Variants in RPUSD1 observed in about 807,000 individuals in gnomAD.
RPUSD1 encodes the protein RNA pseudouridine synthase domain containing 1.
Under a neutral mutation model 22.4 loss-of-function variants are expected in RPUSD1, and 28 were observed. The observed-to-expected ratio is 1.25, with a 90% confidence interval of 0.93 to 1.72. The LOEUF (loss-of-function observed/expected upper bound fraction) is 1.72, where lower values mean the gene tolerates loss of function less well. Ranked by LOEUF, RPUSD1 falls within the 40% of genes most tolerant of loss-of-function variation. The probability of loss-of-function intolerance (pLI) is 0.00; values close to 1 mark genes in which losing one functional copy is unlikely to be tolerated. For synonymous variants in RPUSD1, 298 were observed against 201.0 expected, an observed-to-expected ratio of 1.48 and a Z score of -4.08; for missense variants, 596 against 442.2, an observed-to-expected ratio of 1.35 and a Z score of -3.12.
At position 785,671 on chromosome 16, in the gene RPUSD1, A is replaced by G. The variant is rs563553072; in HGVS notation, c.*279T>C. The G allele has an allele frequency of 6.3e-4, 239 of 376,860 alleles. 2 individuals carry two copies. In the East Asian group the frequency reaches 9.3e-3, roughly 15 times the overall value. The allele number at this position is 376,860 out of a possible 1,614,324, so 23.3% of individuals were successfully genotyped here. A position where few individuals can be genotyped will look rare whatever the true frequency, so the allele number is the denominator to read the frequency against. ...GCCGGAAGCTGTTCCAGGAGGAGGG[A>G]GGGGCCTCGGTTTCTCCCGGGGCAT... is the stretch of plus-strand genomic sequence containing the variant. On this transcript the variant is annotated 3_prime_UTR_variant, in exon 6 of 6. Coordinates refer to ENST00000007264, the MANE Select transcript of RPUSD1 (RefSeq NM_058192.3).
chr16:786,127 T>A lies in RPUSD1; in HGVS notation c.762A>T (p.Leu254Phe). The A allele has an allele frequency of 1.9e-6, 3 of 1,603,622 alleles. No individual in the cohort carries two copies. The highest frequency in any genetic ancestry group is 2.6e-6 in the Non-Finnish European group (3 of 1,173,010). ...CGGGGTCAGGGTCGGGGGTGGCCCG[T>A]AAGGCCTGCACGAGCTGGTCCAGCG... The part of the protein sequence containing the change: ...LQSLDQLVQA[L>F]RATPDPDPED... The change falls in exon 6 of 6, where the codon TTA (leucine) becomes TTT (phenylalanine). Residue 254 changes from leucine (L) to phenylalanine (F), a missense_variant. Coordinates refer to ENST00000007264, the MANE Select transcript of RPUSD1 (RefSeq NM_058192.3).
At position 785,246 on chromosome 16, in the gene RPUSD1, CATGGCCCCTGACCA is replaced by C. The variant is rs946724233; in HGVS notation, c.*690_*703del. ...TGGGCGTGCGTGGCAGGGCCTTGGC[CATGGCCCCTGACCA>C]ACCCCTGTGCACCAAACACCACACT... On this transcript the variant is annotated 3_prime_UTR_variant, in exon 6 of 6. Coordinates refer to ENST00000007264, the MANE Select transcript of RPUSD1 (RefSeq NM_058192.3). The C allele has an allele frequency of 6.6e-6, 1 of 152,384 alleles. No individual in the cohort carries two copies. The highest frequency in any genetic ancestry group is 1.5e-5 in the Non-Finnish European group (1 of 68,160). The allele number at this position is 152,384 out of a possible 1,614,324, so 9.4% of individuals were successfully genotyped here. A position where few individuals can be genotyped will look rare whatever the true frequency, so the allele number is the denominator to read the frequency against.
intron 5 of RPUSD1, chr16:786,595 G>A: frequency 1.4e-6 from 1 of 739,724 alleles, no homozygotes; most frequent in East Asian, 2.7e-5. Context: ...CCAGGGTGGT[G>A]CTCGGTCCTG....
intron 4 of RPUSD1, 25 bp from the exon 5 acceptor site, chr16:786,953 G>A (rs889131864): frequency 4.4e-6 from 7 of 1,607,700 alleles, no homozygotes; most frequent in African/African-American, 1.3e-5. Flanking sequence ...GCAGGTGTGA[G>A]GTTAGTGGGA....
chr16:786,189 G>A lies in RPUSD1; in HGVS notation c.700C>T (p.Leu234=). ...GTGTGGGGGCTCCAGCAGGCATCCA[G>A]GGAGGGCAGGAAGGGGTCAGGCGTG... ...VCTPDPFLPS[L]DACWSPHTLL... The change falls in exon 6 of 6, where the codon CTG becomes TTG. Residue 234 remains leucine, a synonymous_variant. Coordinates refer to ENST00000007264, the MANE Select transcript of RPUSD1 (RefSeq NM_058192.3). 6.2e-7 allele frequency: 1 copy of A among 1,612,662 alleles called. No individual in the cohort carries two copies. Among genetic ancestry groups the A allele is most frequent in the Non-Finnish European group, 8.5e-7 (1 of 1,179,878 alleles).
rs8052561 is a variant in RPUSD1 at position 788,148 on chromosome 16, C to T, written c.-8+108G>A. 6.7e-4 allele frequency: 298 copies of T among 445,494 alleles called. 1 individual carries two copies. Among genetic ancestry groups the T allele is most frequent in the African/African-American group, 5.8e-3 (280 of 47,968 alleles). The allele number at this position is 445,494 out of a possible 1,614,324, so 27.6% of individuals were successfully genotyped here. On this transcript the variant is annotated intron_variant, in intron 1 of 5. Transcript: ENST00000007264. ...CCGCAGCGCGGGTTAGGGCTGGGGC[C>T]TCCTCGCTCCCCGCAGTCCGCGCAG...
chr16:787,288 G>A (rs1055188957), intron 3 of RPUSD1, 66 bp downstream of exon 3: 10 of 1,549,166 alleles, frequency 6.5e-6, no homozygotes, highest in African/African-American at 2.7e-5. Context: ...CTCTGAGCCA[G>A]GGCTGCCCAA....
rs975398362 is a variant in RPUSD1, at chr16:785,603, C to T, written c.*347G>A. The T allele has an allele frequency of 3.9e-6, 1 of 253,288 alleles. No individual in the cohort carries two copies. The highest frequency in any genetic ancestry group is 5.5e-5 in the Admixed American group (1 of 18,302). 15.7% of individuals were successfully genotyped at this position (253,288 alleles called of 1,614,324 possible). Reference sequence around the variant, plus strand: ...CTGGCCCTGCCTCTTCCTGAGGTGACCTTGAGTCCGTAAAACTGACGCCCC... The same window carrying T: ...CTGGCCCTGCCTCTTCCTGAGGTGATCTTGAGTCCGTAAAACTGACGCCCC... On this transcript the variant is annotated 3_prime_UTR_variant, in exon 6 of 6. Transcript: ENST00000007264.
At chr16:787,525 G>A (rs770329635) in intron 2 of RPUSD1, 31 bp downstream of exon 2, 5 of 1,601,912 alleles carry the variant, frequency 3.1e-6, no homozygotes, top group South Asian at 1.1e-5. Context: ...CTCCACAGAC[G>A]CCACCGTGGG....
intron 5 of RPUSD1, 163 bp downstream of exon 5, chr16:786,664 G>A (rs1472721200): frequency 5.3e-6 from 4 of 757,932 alleles, no homozygotes; most frequent in East Asian, 2.6e-5. Context: ...GGGACCCTGT[G>A]TCAGGTGAGA....
chr16:786,377 C>T lies in RPUSD1; in HGVS notation c.512G>A (p.Gly171Asp). 1 of 1,602,492 alleles carries T rather than the reference C, an allele frequency of 6.2e-7. No homozygotes were observed. The highest frequency in any genetic ancestry group is 8.5e-7 in the Non-Finnish European group (1 of 1,173,388). The change falls in exon 6 of 6, where the codon GGC (glycine) becomes GAC (aspartate). Residue 171 changes from glycine to aspartate, a missense_variant and splice_region_variant. Transcript: ENST00000007264. The part of the protein sequence containing the change: ...VSKVLLKPLT[G>D]RTHQLRVHCS... ...GTGCACGCGCAGCTGGTGTGTCCGGCCTGCGGGATGAGGGCGGTGCCGGAT... is the reference window on the plus strand; with the variant it reads ...GTGCACGCGCAGCTGGTGTGTCCGGTCTGCGGGATGAGGGCGGTGCCGGAT...
At chr16:787,040 C>G (rs765761469) in intron 4 of RPUSD1, 37 bp downstream of exon 4, 1 of 1,592,622 alleles carries the variant, frequency 6.3e-7, no homozygotes, top group Non-Finnish European at 8.6e-7. Context: ...CCACCCCAAC[C>G]CACGATGCCC....
In RPUSD1 at chr16:786,210, G is replaced by T; in HGVS notation, c.679C>A (p.Pro227Thr). ...TDTECVEVCT[P>T]DPFLPSLDAC... ...TCCAGGGAGGGCAGGAAGGGGTCAG[G>T]CGTGCAGACCTCCACACACTCGGTG... The change falls in exon 6 of 6, where the codon CCT becomes ACT. Residue 227 changes from proline (P) to threonine (T), a missense_variant. Physicochemically the swap from Pro to Thr is conservative, Grantham distance 38. Coordinates refer to ENST00000007264, the MANE Select transcript of RPUSD1 (RefSeq NM_058192.3). 1 of 1,612,764 alleles carries T rather than the reference G, an allele frequency of 6.2e-7. No homozygotes were observed. Among genetic ancestry groups the T allele is most frequent in the Non-Finnish European group, 8.5e-7 (1 of 1,179,934 alleles).
At position 787,164 on chromosome 16, in the gene RPUSD1, G is replaced by A. The variant is rs774250758; in HGVS notation, c.322C>T (p.Gln108Ter). The A allele has an allele frequency of 4.4e-5, 71 of 1,605,528 alleles. No homozygotes were observed. Among genetic ancestry groups the A allele is most frequent in the Non-Finnish European group, 5.8e-5 (68 of 1,179,156 alleles). ...AYLALLRGHI[Q>*]ESRVTISHAI... The stretch of plus-strand genomic sequence containing the variant: ...TGGCTGATGGTTACCCGGCTCTCCT[G>A]GATGTGCCCCCGCAGCTGCAGGAGA... The change falls in exon 4 of 6, where the codon CAG (glutamine) becomes TAG (stop). Residue 108 changes from glutamine (Q) to a stop codon, truncating the protein, a stop_gained. Coordinates refer to ENST00000007264, the MANE Select transcript of RPUSD1 (RefSeq NM_058192.3). LOFTEE classifies it high-confidence loss of function.
At chr16:786,507 CCT>C (rs10600947) in intron 5 of RPUSD1, 130 bp from the exon 6 acceptor site, 23,539 of 883,226 alleles carry the variant, frequency 0.027, 1,021 homozygotes, top group African/African-American at 0.14. Flanking sequence ...TGGAACTCTC[CCT>C]GTCCCCTGCC....
chr16:785,935 C>G lies in RPUSD1; in HGVS notation c.*15G>C, dbSNP rs887039027. On this transcript the variant is annotated 3_prime_UTR_variant, in exon 6 of 6. Transcript: ENST00000007264. ...CGCTGTGCAGCTGACACCCCCTGCC[C>G]CAGCCCCACGGCTCTCAGCTGTCCG... 2 of 1,430,138 alleles carry G rather than the reference C, an allele frequency of 1.4e-6. No individual in the cohort carries two copies. The highest frequency in any genetic ancestry group is 2.9e-5 in the African/African-American group (2 of 69,582). 88.6% of individuals were successfully genotyped at this position (1,430,138 alleles called of 1,614,324 possible). A position where few individuals can be genotyped will look rare whatever the true frequency, so the allele number is the denominator to read the frequency against.
rs567417335 is a variant in RPUSD1 at position 786,691 on chromosome 16, G to A, written c.511+136C>T. The stretch of plus-strand genomic sequence containing the variant: ...CAGGTGAGAAGCTGAGAGGCTGCAG[G>A]GCGTGGAGTTAAGAACGCAGGAGTG... On this transcript the variant is annotated intron_variant, in intron 5 of 5. Transcript: ENST00000007264. 71 of 806,312 alleles carry A rather than the reference G, an allele frequency of 8.8e-5. 1 individual carries two copies. The East Asian group carries it at 1.6e-3, about 19-fold the overall frequency. The allele number at this position is 806,312 out of a possible 1,614,324, so 49.9% of individuals were successfully genotyped here. A position where few individuals can be genotyped will look rare whatever the true frequency, so the allele number is the denominator to read the frequency against.
At chr16:787,919 G>A (rs760355044) in intron 1 of RPUSD1, 175 bp from the exon 2 acceptor site, 2 of 643,384 alleles carry the variant, frequency 3.1e-6, no homozygotes, top group Non-Finnish European at 5.3e-6. Flanking sequence ...CAGGGCGTCA[G>A]CTGGGGAGTC....
rs1421019755 is a variant in RPUSD1, at chr16:787,674, T to C, written c.64A>G (p.Asn22Asp). 2 of 1,612,408 alleles carry C rather than the reference T, an allele frequency of 1.2e-6. No homozygotes were observed. The highest frequency in any genetic ancestry group is 1.7e-5 in the Admixed American group (1 of 60,032). The change falls in exon 2 of 6, where the codon AAC becomes GAC. Residue 22 changes from asparagine (N) to aspartate (D), a missense_variant. Asn to Asp is a conservative substitution (Grantham distance 23). Transcript: ENST00000007264. ...TCAATGCGAACGTCCCAGTGCTTGT[T>C]GACCACCAGGAAGTCGCGGCTCCGG... is the stretch of plus-strand genomic sequence containing the variant. ...VYRSRDFLVV[N>D]KHWDVRIDSK...
Sources: gnomAD v4.1 joint callset for allele counts on GRCh38, gnomAD v4.1.1 for gene constraint, MANE v1.5 for transcripts, NCBI Gene and HGNC (gene_info 2026-07-23, HGNC 2026-07-21) for gene names.